Variants in SULT1A2 observed in about 807,000 individuals in gnomAD.
The protein encoded by SULT1A2 is sulfotransferase 1A2.
A neutral mutation model predicts 36.0 loss-of-function variants in SULT1A2; 33 were observed. The observed-to-expected ratio is 0.92, with a 90% CI of 0.69 to 1.22. The LOEUF is 1.22. Among genes scored for constraint, SULT1A2 ranks in the 50% most tolerant of loss-of-function variants. The pLI, the probability that SULT1A2 is intolerant of heterozygous loss-of-function variation, is 0.00. For synonymous variants in SULT1A2, 138 were observed against 144.5 expected, an observed-to-expected ratio of 0.96 and a Z score of 0.32; for missense variants, 367 against 383.2, an observed-to-expected ratio of 0.96 and a Z score of 0.35.
intron 1 of SULT1A2, 77 bp downstream of exon 1, chr16:28,596,920 G>A (rs558364136): frequency 9.6e-7 from 1 of 1,039,014 alleles, no homozygotes; most frequent in East Asian, 6.5e-5. Context: ...GATAGCAGAG[G>A]CCTCGGCTTC....
At position 28,595,574 on chromosome 16, in the gene SULT1A2, A is replaced by G; in HGVS notation, c.250T>C (p.Phe84Leu). ...CCTGAGGGAATCCCTGGGACTTTGA[A>G]CTCAAGGAAGGGCACCCGCATGAAG... is the stretch of plus-strand genomic sequence containing the variant. Reference protein sequence around the residue: ...PIFMRVPFLEFKVPGIPSGME... With the variant: ...PIFMRVPFLELKVPGIPSGME... Residue 84 changes from phenylalanine (F) to leucine (L), a missense_variant, in exon 3 of 8, where the codon TTC (phenylalanine) becomes CTC (leucine). By Grantham distance (22) the Phe-to-Leu change is conservative (BLOSUM62 0). Coordinates refer to ENST00000335715, the MANE Select transcript of SULT1A2 (RefSeq NM_001054.4). 6.2e-7 allele frequency: 1 copy of G among 1,614,054 alleles called. No individual in the cohort carries two copies. Among genetic ancestry groups the G allele is most frequent in the South Asian group, 1.1e-5 (1 of 91,076 alleles).
chr16:28,594,475 C>A (rs2047035260), intron 4 of SULT1A2, among the ~76,000 whole-genome samples: 1 of 152,148 alleles, frequency 6.6e-6, no homozygotes, highest in Admixed American at 6.5e-5. Flanking sequence ...TTGTTTGAAA[C>A]AATGTCTCGT....
chr16:28,595,980 A>G (rs770126888), intron 1 of SULT1A2, 46 bp from the exon 2 acceptor site: 1 of 1,593,408 alleles, frequency 6.3e-7, no homozygotes, highest in Non-Finnish European at 8.6e-7. Context: ...CCACCATCAC[A>G]ACAGCAAGAA....
intron 4 of SULT1A2, among the ~76,000 whole-genome samples, chr16:28,594,890 C>T (rs1279912140): frequency 6.8e-6 from 1 of 147,298 alleles, no homozygotes; most frequent in African/African-American, 2.5e-5. Context: ...AAGCAATTCT[C>T]CTGCTTCAGC....
At chr16:28,593,171 T>C in intron 6 of SULT1A2, 81 bp downstream of exon 6, 2 of 1,590,200 alleles carry the variant, frequency 1.3e-6, no homozygotes, top group East Asian at 2.2e-5. Flanking sequence ...CCAGGGAGGG[T>C]GGCTGGGTGG....
Position 28,597,048 on chromosome 16 carries a change from T to C in SULT1A2, c.-56A>G, listed in dbSNP as rs1310703377. ...GCCCTCCTCGCCCGCAGTGGCTGAG[T>C]GTGGGTGTTGTGTGGGGAATGCAGG... On this transcript the variant is annotated 5_prime_UTR_variant, in exon 1 of 8. Transcript: ENST00000335715. 7.8e-7 allele frequency: 1 copy of C among 1,282,374 alleles called. No homozygotes were observed. Among genetic ancestry groups the C allele is most frequent in the Non-Finnish European group, 1.0e-6 (1 of 983,012 alleles). The allele number at this position is 1,282,374 out of a possible 1,614,324, so 79.4% of individuals were successfully genotyped here.
At chr16:28,593,879 C>T (rs901130530) in intron 4 of SULT1A2, among the ~76,000 whole-genome samples, 2 of 152,094 alleles carry the variant, frequency 1.3e-5, no homozygotes, top group Non-Finnish European at 2.9e-5. Flanking sequence ...GAGGACCCAC[C>T]CTCTACCTTT....
At chr16:28,594,450 A>G (rs1482254498) in intron 4 of SULT1A2, among the ~76,000 whole-genome samples, 1 of 152,004 alleles carries the variant, frequency 6.6e-6, no homozygotes, top group Non-Finnish European at 1.5e-5. Context: ...AAACCTTTTA[A>G]AATATTTATT....
At position 28,592,243 on chromosome 16, in the gene SULT1A2, C is replaced by T. The variant is rs772439225; in HGVS notation, c.775+20G>A. 1.3e-5 allele frequency: 21 copies of T among 1,613,862 alleles called. No homozygotes were observed. The highest frequency in any genetic ancestry group is 1.8e-5 in the Non-Finnish European group (21 of 1,179,876). ...TGCTGCTCCCACCTGCTCCAAACCC[C>T]CGTGCTGGCCGGCACCTACCTTTCC... On this transcript the variant is annotated intron_variant, in intron 7 of 7. Coordinates refer to ENST00000335715, the MANE Select transcript of SULT1A2 (RefSeq NM_001054.4).
In SULT1A2 at chr16:28,592,202, A is replaced by G. The variant is rs566895830; in HGVS notation, c.775+61T>C. ...ATCCCAGGGGAGGCCCCGAGTGCCTATGGGGAGGCTCCAGCTGCTGCTCCC... is the reference window on the plus strand; with the variant it reads ...ATCCCAGGGGAGGCCCCGAGTGCCTGTGGGGAGGCTCCAGCTGCTGCTCCC... On this transcript the variant is annotated intron_variant, in intron 7 of 7. Coordinates refer to ENST00000335715, the MANE Select transcript of SULT1A2 (RefSeq NM_001054.4). 1.6e-5 allele frequency: 26 copies of G among 1,613,686 alleles called. No homozygotes were observed. In the South Asian group the frequency reaches 2.9e-4, roughly 18 times the overall value.
Position 28,592,373 on chromosome 16 carries a change from A to T in SULT1A2, c.665T>A (p.Leu222His). ...CTTGAACGACGTGTGCTCAACCATG[A>T]GGTCCACAGTCTCCTCTGGCAGGGA... ...GRSLPEETVD[L>H]MVEHTSFKEM... is the part of the protein sequence containing the mutation. The change falls in exon 7 of 8, where the codon CTC becomes CAC. Residue 222 changes from leucine to histidine, a missense_variant. Leu to His is a moderately conservative substitution (Grantham distance 99). Coordinates refer to ENST00000335715, the MANE Select transcript of SULT1A2 (RefSeq NM_001054.4). 1.2e-6 allele frequency: 2 copies of T among 1,614,054 alleles called. No homozygotes were observed. Among genetic ancestry groups the T allele is most frequent in the Non-Finnish European group, 1.7e-6 (2 of 1,179,924 alleles).
chr16:28,595,479 A>G lies in SULT1A2; in HGVS notation c.275-15T>C, dbSNP rs1488554344. The G allele has an allele frequency of 1.9e-6, 3 of 1,614,120 alleles. No homozygotes were observed. In the East Asian group the frequency reaches 6.7e-5, roughly 36 times the overall value. ...AGTCTCCATCCCTGAGCAGTGGGTC[A>G]GGGAAGGTCTGGTGAGCTGAAGCCC... On this transcript the variant is annotated splice_polypyrimidine_tract_variant and intron_variant, in intron 3 of 7. Coordinates refer to ENST00000335715, the MANE Select transcript of SULT1A2 (RefSeq NM_001054.4).
Position 28,592,372 on chromosome 16 carries a change from G to T in SULT1A2, c.666C>A (p.Leu222=), listed in dbSNP as rs1208450092. 7 of 1,613,932 alleles carry T rather than the reference G, an allele frequency of 4.3e-6. No homozygotes were observed. The African/African-American group carries it at 9.3e-5, about 22-fold the overall frequency. Residue 222 remains leucine, a synonymous_variant, in exon 7 of 8, where the codon CTC becomes CTA. Transcript: ENST00000335715. ...CCTTGAACGACGTGTGCTCAACCAT[G>T]AGGTCCACAGTCTCCTCTGGCAGGG... ...GRSLPEETVD[L]MVEHTSFKEM... is the part of the protein sequence containing the mutation.
rs201317637 is a variant in SULT1A2 at position 28,593,239 on chromosome 16, A to C, written c.594+13T>G. Reference sequence around the variant, plus strand: ...AGGTGTCACGTGGAGGGAAGCATCAAAGGCGGTCTCACCTCCTTCATGTCT... The same window carrying C: ...AGGTGTCACGTGGAGGGAAGCATCACAGGCGGTCTCACCTCCTTCATGTCT... On this transcript the variant is annotated intron_variant, in intron 6 of 7. Coordinates refer to ENST00000335715, the MANE Select transcript of SULT1A2 (RefSeq NM_001054.4). 12 of 1,612,714 alleles carry C rather than the reference A, an allele frequency of 7.4e-6. No individual in the cohort carries two copies. Among genetic ancestry groups the C allele is most frequent in the Admixed American group, 1.7e-5 (1 of 59,986 alleles).
intron 1 of SULT1A2, 98 bp downstream of exon 1, chr16:28,596,899 G>T: frequency 1.2e-6 from 1 of 834,966 alleles, no homozygotes; most frequent in Non-Finnish European, 1.6e-6. Flanking sequence ...TATCCATGGG[G>T]AGAGGGCAGG....
intron 4 of SULT1A2, among the ~76,000 whole-genome samples, chr16:28,595,145 C>T (rs1188278802): frequency 6.6e-6 from 1 of 152,066 alleles, no homozygotes. Flanking sequence ...CTGGAGTGCA[C>T]TGGTGTGATC....
Position 28,595,447 on chromosome 16 carries a change from T to G in SULT1A2, c.292A>C (p.Asn98His). ...GIPSGMETLK[N>H]TPAPRLLKTH... Reference sequence around the variant, plus strand: ...TTCAGGAGTCGTGGGGCTGGTGTGTTTTTCAGAGTCTCCATCCCTGAGCAG... The same window carrying G: ...TTCAGGAGTCGTGGGGCTGGTGTGTGTTTCAGAGTCTCCATCCCTGAGCAG... The change falls in exon 4 of 8, where the codon AAC (asparagine) becomes CAC (histidine). Residue 98 changes from asparagine (N) to histidine (H), a missense_variant. By Grantham distance (68) the Asn-to-His change is moderately conservative. Coordinates refer to ENST00000335715, the MANE Select transcript of SULT1A2 (RefSeq NM_001054.4). 5 of 1,613,740 alleles carry G rather than the reference T, an allele frequency of 3.1e-6. No homozygotes were observed. Among genetic ancestry groups the G allele is most frequent in the Non-Finnish European group, 4.2e-6 (5 of 1,179,922 alleles).
At position 28,592,087 on chromosome 16, in the gene SULT1A2, C is replaced by T. The variant is rs371745843; in HGVS notation, c.829G>A (p.Asp277Asn). 1.9e-5 allele frequency: 30 copies of T among 1,611,980 alleles called. No homozygotes were observed. Among genetic ancestry groups the T allele is most frequent in the African/African-American group, 1.1e-4 (8 of 74,874 alleles). The change falls in exon 8 of 8, where the codon GAT becomes AAT. Residue 277 changes from aspartate to asparagine, a missense_variant. Physicochemically the swap from Asp to Asn is conservative, Grantham distance 23 (BLOSUM62 1). Transcript: ENST00000335715. Reference protein sequence around the residue: ...TFTVAQNERFDADYAKKMAGC... With the variant: ...TFTVAQNERFNADYAKKMAGC... ...GCCATCTTCTTCGCATAGTCCGCATCGAAGCGCTCATTCTGCGCCACGGTG... is the reference window on the plus strand; with the variant it reads ...GCCATCTTCTTCGCATAGTCCGCATTGAAGCGCTCATTCTGCGCCACGGTG...
intron 2 of SULT1A2, 47 bp downstream of exon 2, chr16:28,595,736 G>C: frequency 1.9e-6 from 3 of 1,612,324 alleles, no homozygotes; most frequent in Non-Finnish European, 2.5e-6. Flanking sequence ...CGCTGGCCAA[G>C]GTGGGGACTG....
Sources: allele counts gnomAD v4.1 joint callset (sites outside exome capture counted in the v4.1 genomes callset), GRCh38; gene constraint gnomAD v4.1.1; transcripts MANE v1.5; gene names NCBI Gene and HGNC (gene_info 2026-07-23, HGNC 2026-07-21).